The following JAKMIP3 variants were observed in gnomAD, a reference collection of about 807,000 sequenced individuals.
JAKMIP3 encodes janus kinase and microtubule-interacting protein 3.
JAKMIP3 carries 58 observed loss-of-function variants against 118.5 expected under a neutral mutation model. The observed-to-expected ratio is 0.49, with a 90% CI of 0.40 to 0.61. The LOEUF (loss-of-function observed/expected upper bound fraction) is 0.61, where lower values mean the gene tolerates loss of function less well. Among genes scored for constraint, JAKMIP3 ranks in the 20% least tolerant of loss-of-function variants. JAKMIP3 has a pLI of 0.00. For missense variants in JAKMIP3, 950 were observed against 1,109.0 expected (o/e 0.86, Z 2.04); for synonymous variants, 486 against 451.2 (o/e 1.08, Z -0.98).
Position 132,078,003 on chromosome 10 carries a change from G to A in JAKMIP3, c.-138+11942G>A, listed in dbSNP as rs2041100250. On this transcript the variant is annotated intron_variant, in intron 1 of 23. Coordinates refer to ENST00000684848, the MANE Select transcript of JAKMIP3 (RefSeq NM_001323087.2). ...ATTTTTGTATTTTTAGTAGAGACGG[G>A]GTTTCACTATGTTGGCCAGGCTGGT... Among the ~76,000 whole-genome samples the A allele has an allele frequency of 2.0e-5, 3 of 152,280 alleles. No homozygotes were observed. In the South Asian group the frequency reaches 6.2e-4, roughly 32 times the overall value.
At chr10:132,138,783 C>T (rs867373080) in intron 9 of JAKMIP3, among the ~76,000 whole-genome samples, 3 of 152,126 alleles carry the variant, frequency 2.0e-5, no homozygotes, top group African/African-American at 4.8e-5. Context: ...TGAGGACGGG[C>T]GGCTGAGGCT....
At position 132,117,600 on chromosome 10, in the gene JAKMIP3, TGGGCGAGGGTG is replaced by T; in HGVS notation, c.633+27_633+37del. 1.2e-6 allele frequency: 1 copy of T among 809,728 alleles called. No individual in the cohort carries two copies. The allele number at this position is 809,728 out of a possible 1,614,324, so 50.2% of individuals were successfully genotyped here. Reference sequence around the variant, plus strand: ...GTACGTGGGCAGGCAGGGGCGGGCGTGGGCGAGGGTGCAGGGGCGGGCGTGGGCGAGGGTGC... The same window carrying T: ...GTACGTGGGCAGGCAGGGGCGGGCGTCAGGGGCGGGCGTGGGCGAGGGTGC... On this transcript the variant is annotated intron_variant, in intron 3 of 23. Transcript: ENST00000684848. The surrounding 1 kb of genome is among the most constrained non-coding windows in gnomAD (Gnocchi z 8.6).
intron 1 of JAKMIP3, among the ~76,000 whole-genome samples, chr10:132,077,540 C>A (rs1402398059): frequency 6.6e-6 from 1 of 152,258 alleles, no homozygotes; most frequent in African/African-American, 2.4e-5. Flanking sequence ...GGGCCTGGAG[C>A]TCATCAATGG....
At chr10:132,153,275 G>A (rs1157539805) in intron 17 of JAKMIP3, among the ~76,000 whole-genome samples, 1 of 152,224 alleles carries the variant, frequency 6.6e-6, no homozygotes, top group Non-Finnish European at 1.5e-5. Flanking sequence ...CCAAAGGCGG[G>A]AAGGTATGGT....
In JAKMIP3 at chr10:132,166,606, T is replaced by C. The variant is rs1046404476; in HGVS notation, c.2491-377T>C. ...AACGTTCACCATTATTATTACCCCATTGGTGCTCTTGCCAAAAATTCCTGC... is the reference window on the plus strand; with the variant it reads ...AACGTTCACCATTATTATTACCCCACTGGTGCTCTTGCCAAAAATTCCTGC... On this transcript the variant is annotated intron_variant, in intron 21 of 23. Transcript: ENST00000684848. Among the ~76,000 whole-genome samples the C allele has an allele frequency of 1.6e-4, 25 of 152,184 alleles. 1 individual carries two copies. The highest frequency in any genetic ancestry group is 8.5e-4 in the Admixed American group (13 of 15,286).
intron 2 of JAKMIP3, among the ~76,000 whole-genome samples, chr10:132,105,993 GA>G (rs1261026978): frequency 1.3e-5 from 2 of 152,152 alleles, no homozygotes; most frequent in African/African-American, 4.8e-5. Flanking sequence ...ATCAAAAGAA[GA>G]AGAATGTTTC....
intron 23 of JAKMIP3, among the ~76,000 whole-genome samples, chr10:132,170,494 G>A (rs753822178): frequency 6.6e-6 from 1 of 152,158 alleles, no homozygotes; most frequent in African/African-American, 2.4e-5. Context: ...CAGAGGGGAC[G>A]CCGGGTCAGG....
intron 1 of JAKMIP3, among the ~76,000 whole-genome samples, chr10:132,069,788 G>A (rs1236422292): frequency 6.6e-6 from 1 of 152,252 alleles, no homozygotes; most frequent in Non-Finnish European, 1.5e-5. Context: ...GTGAAAGTGA[G>A]GTGGTGATGT....
rs1165980590 is a variant in JAKMIP3 at position 132,049,065 on chromosome 10, C to T, written c.-138+12327C>T. ...TGTCCTGAAAGCCTGCTGCTGGTCCCGGCCGACTCCATCAAGTTAATTGAC... is the reference window on the plus strand; with the variant it reads ...TGTCCTGAAAGCCTGCTGCTGGTCCTGGCCGACTCCATCAAGTTAATTGAC... On this transcript the variant is annotated intron_variant, in intron 1 of 23. Coordinates refer to the JAKMIP3 transcript ENST00000657785. The surrounding 1 kb of genome is among the most constrained non-coding windows in gnomAD (Gnocchi z 4.3). Among the ~76,000 whole-genome samples the T allele has an allele frequency of 1.3e-5, 2 of 152,106 alleles. No individual in the cohort carries two copies. Among genetic ancestry groups the T allele is most frequent in the Admixed American group, 6.5e-5 (1 of 15,272 alleles).
chr10:132,085,482 T>C (rs1380657595), intron 1 of JAKMIP3, among the ~76,000 whole-genome samples: 3 of 151,026 alleles, frequency 2.0e-5, no homozygotes, highest in Non-Finnish European at 2.9e-5. Flanking sequence ...ATCTTACTAA[T>C]GGTCTATCAA....
chr10:132,158,255 A>C (rs79360798), intron 19 of JAKMIP3, among the ~76,000 whole-genome samples: 4 of 152,206 alleles, frequency 2.6e-5, no homozygotes, highest in Admixed American at 2.6e-4. Context: ...GAAGTGGCCT[A>C]TGGGCCCCCT....
chr10:132,105,268 C>T (rs55718811), intron 2 of JAKMIP3, among the ~76,000 whole-genome samples: 11 of 152,246 alleles, frequency 7.2e-5, no homozygotes, highest in Admixed American at 5.9e-4. Context: ...CTGGAAAGGA[C>T]GCTGACTTTC....
chr10:132,099,707 A>T (rs2044524885), intron 1 of JAKMIP3, among the ~76,000 whole-genome samples: 1 of 152,140 alleles, frequency 6.6e-6, no homozygotes, highest in Non-Finnish European at 1.5e-5. Flanking sequence ...GCATGTCCTG[A>T]TTGTGTCAAT....
At position 132,117,316 on chromosome 10, in the gene JAKMIP3, T is replaced by TGGC; in HGVS notation, c.379_381dup (p.Gly127dup). 6.2e-7 allele frequency: 1 copy of TGGC among 1,613,912 alleles called. No individual in the cohort carries two copies. Among genetic ancestry groups the TGGC allele is most frequent in the Non-Finnish European group, 8.5e-7 (1 of 1,179,882 alleles). ...AGGCACTGCTCAGTGCCCTGCGTGATGGCGGCCCCGAAAAGGTCAAGACCG... is the reference window on the plus strand; with the variant it reads ...AGGCACTGCTCAGTGCCCTGCGTGATGGCGGCGGCCCCGAAAAGGTCAAGACCG... On this transcript the variant is annotated inframe_insertion, in exon 3 of 24. Transcript: ENST00000684848. The surrounding 1 kb of genome is among the most constrained non-coding windows in gnomAD (Gnocchi z 8.6).
At chr10:132,107,665 C>T (rs1446312533) in intron 2 of JAKMIP3, among the ~76,000 whole-genome samples, 1 of 152,210 alleles carries the variant, frequency 6.6e-6, no homozygotes, top group East Asian at 1.9e-4. Flanking sequence ...CAGGCAGCAA[C>T]TCCCTTTTGC....
At chr10:132,102,078 A>G (rs971126910) in intron 1 of JAKMIP3, among the ~76,000 whole-genome samples, 3 of 152,090 alleles carry the variant, frequency 2.0e-5, no homozygotes, top group African/African-American at 7.2e-5. Context: ...AGAGACAGCA[A>G]AGCACCTGCA....
In JAKMIP3 at chr10:132,107,909, T is replaced by TG. The variant is rs574955329; in HGVS notation, c.135+2967dup. 4.1e-3 allele frequency among the ~76,000 whole-genome samples: 625 copies of TG among 152,378 alleles called. 4 individuals are homozygous for TG. Among genetic ancestry groups the TG allele is most frequent in the Non-Finnish European group, 6.9e-3 (472 of 68,038 alleles). On this transcript the variant is annotated intron_variant, in intron 2 of 23. Coordinates refer to ENST00000684848, the MANE Select transcript of JAKMIP3 (RefSeq NM_001323087.2). ...TGCTGGGCCAGAGCGTGTCTATGTTTGCAGTTTGACGGTGACGTCCCCAGG... is the reference window on the plus strand; with the variant it reads ...TGCTGGGCCAGAGCGTGTCTATGTTTGGCAGTTTGACGGTGACGTCCCCAGG...
At position 132,182,485 on chromosome 10, in the gene JAKMIP3, T is replaced by C. The variant is rs1199520916; in HGVS notation, c.*1232T>C. On this transcript the variant is annotated 3_prime_UTR_variant, in exon 24 of 24. Transcript: ENST00000684848. ...CCTGACTGGCTGCAGATGGAACTTCTGTGTCCTCCCACCCTAGGTGGGCTA... is the reference window on the plus strand; with the variant it reads ...CCTGACTGGCTGCAGATGGAACTTCCGTGTCCTCCCACCCTAGGTGGGCTA... 1 of 152,232 alleles carries C rather than the reference T, an allele frequency of 6.6e-6. No individual in the cohort carries two copies. Among genetic ancestry groups the C allele is most frequent in the African/African-American group, 2.4e-5 (1 of 41,464 alleles). The allele number at this position is 152,232 out of a possible 1,614,324, so 9.4% of individuals were successfully genotyped here.
chr10:132,040,387 A>G (rs1335434337), intron 1 of JAKMIP3, among the ~76,000 whole-genome samples: 2 of 152,156 alleles, frequency 1.3e-5, no homozygotes, highest in African/African-American at 2.4e-5. Context: ...TGACCGAGAC[A>G]GGGCCCTCCC....
Sources: gnomAD v4.1 joint callset for allele counts (sites outside exome capture counted in the v4.1 genomes callset) on GRCh38, gnomAD v4.1.1 for gene constraint, Gnocchi (gnomAD v3.1) non-coding constraint, MANE v1.5 for transcripts, NCBI Gene and HGNC (gene_info 2026-07-23, HGNC 2026-07-21) for gene names.